Variants in C3orf62 observed in about 807,000 individuals in gnomAD.
C3orf62 encodes chromosome 3 open reading frame 62, also known as uncharacterized protein C3orf62.
C3orf62 carries 16 observed loss-of-function variants against 21.7 expected under a neutral mutation model. The observed-to-expected ratio is 0.74, with a 90% CI of 0.50 to 1.12. The LOEUF (loss-of-function observed/expected upper bound fraction) is 1.12, where lower values mean the gene tolerates loss of function less well. Among genes scored for constraint, C3orf62 ranks in the 50% most tolerant of loss-of-function variants. The probability of loss-of-function intolerance (pLI) is 0.00; values close to 1 mark genes in which losing one functional copy is unlikely to be tolerated. For synonymous variants in C3orf62, 114 were observed against 117.0 expected, an observed-to-expected ratio of 0.97 and a Z score of 0.17; for missense variants, 310 against 318.8, an observed-to-expected ratio of 0.97 and a Z score of 0.21.
Position 49,269,079 on chromosome 3 carries a change from C to CTT in C3orf62, c.*2099_*2100dup, listed in dbSNP as rs1480689188. 6.6e-6 allele frequency: 1 copy of CTT among 152,166 alleles called. No homozygotes were observed. The highest frequency in any genetic ancestry group is 1.5e-5 in the Non-Finnish European group (1 of 68,046). The allele number at this position is 152,166 out of a possible 1,614,324, so 9.4% of individuals were successfully genotyped here. A position where few individuals can be genotyped will look rare whatever the true frequency, so the allele number is the denominator to read the frequency against. On this transcript the variant is annotated 3_prime_UTR_variant, in exon 3 of 3. Coordinates refer to ENST00000343010, the MANE Select transcript of C3orf62 (RefSeq NM_198562.3). ...CACTGCACCCGGCCATCTCAACAGT[C>CTT]TTGAGTTCTGGCCAGGTATCTTGTA...
chr3:49,271,071 T>C lies in C3orf62; in HGVS notation c.*109A>G, dbSNP rs2046909178. The C allele has an allele frequency of 8.8e-7, 1 of 1,140,094 alleles. No homozygotes were observed. Among genetic ancestry groups the C allele is most frequent in the Non-Finnish European group, 1.2e-6 (1 of 802,138 alleles). The allele number at this position is 1,140,094 out of a possible 1,614,324, so 70.6% of individuals were successfully genotyped here. On this transcript the variant is annotated 3_prime_UTR_variant, in exon 3 of 3. Transcript: ENST00000343010. ...TTTAAAAAGGGTCTGGTAATTCAGGTTCTGCCAACCTTTTGAGAAATGTGG... is the reference window on the plus strand; with the variant it reads ...TTTAAAAAGGGTCTGGTAATTCAGGCTCTGCCAACCTTTTGAGAAATGTGG...
rs762681137 is a variant in C3orf62 at position 49,271,205 on chromosome 3, G to A, written c.779C>T (p.Thr260Met). The A allele has an allele frequency of 3.1e-6, 5 of 1,613,262 alleles. No homozygotes were observed. Among genetic ancestry groups the A allele is most frequent in the African/African-American group, 2.7e-5 (2 of 74,902 alleles). The change falls in exon 3 of 3, where the codon ACG (threonine) becomes ATG (methionine). Residue 260 changes from threonine (T) to methionine (M), a missense_variant. Thr to Met is a moderately conservative substitution (Grantham distance 81). Transcript: ENST00000343010. ...LDLEEDYNVMTSFKYQIE is the reference protein window; with the variant it reads ...LDLEEDYNVMMSFKYQIE Reference sequence around the variant, plus strand: ...TTACTCAATTTGGTATTTAAAAGACGTCATCACATTGTAGTCCTCTTCCAA... The same window carrying A: ...TTACTCAATTTGGTATTTAAAAGACATCATCACATTGTAGTCCTCTTCCAA...
rs1347151291 is a variant in C3orf62, at chr3:49,276,723, G to A, written c.150C>T (p.Ser50=). 1 of 1,614,202 alleles carries A rather than the reference G, an allele frequency of 6.2e-7. No individual in the cohort carries two copies. The highest frequency in any genetic ancestry group is 2.2e-5 in the East Asian group (1 of 44,882). ...GCAGCGAGAAGGAGAGCGGCGCGGCGCTCAGTTCCAGCCTCTGCTGGCCTG... is the reference window on the plus strand; with the variant it reads ...GCAGCGAGAAGGAGAGCGGCGCGGCACTCAGTTCCAGCCTCTGCTGGCCTG... The part of the protein sequence containing the change: ...ECTGQQRLEL[S]AAPLSFSLPV... Residue 50 remains serine, a synonymous_variant, in exon 1 of 3, where the codon AGC becomes AGT. Coordinates refer to ENST00000343010, the MANE Select transcript of C3orf62 (RefSeq NM_198562.3).
intron 1 of C3orf62, among the ~76,000 whole-genome samples, chr3:49,274,806 G>A (rs2046939867): frequency 6.7e-6 from 1 of 148,838 alleles, no homozygotes; most frequent in African/African-American, 2.5e-5. Flanking sequence ...GATTACAGGA[G>A]TGAACCACCG....
rs2046905266 is a variant in C3orf62, at chr3:49,270,206, C to T, written c.*974G>A. Reference sequence around the variant, plus strand: ...GATCTAACTCCTTGTTCCACTCCTTCCCCACTTCTTATACTATACTTCACT... The same window carrying T: ...GATCTAACTCCTTGTTCCACTCCTTTCCCACTTCTTATACTATACTTCACT... On this transcript the variant is annotated 3_prime_UTR_variant, in exon 3 of 3. Coordinates refer to ENST00000343010, the MANE Select transcript of C3orf62 (RefSeq NM_198562.3). The T allele has an allele frequency of 2.6e-5, 4 of 152,240 alleles. No individual in the cohort carries two copies. Among genetic ancestry groups the T allele is most frequent in the Non-Finnish European group, 4.4e-5 (3 of 68,058 alleles). The allele number at this position is 152,240 out of a possible 1,614,324, so 9.4% of individuals were successfully genotyped here. A position where few individuals can be genotyped will look rare whatever the true frequency, so the allele number is the denominator to read the frequency against.
rs779635550 is a variant in C3orf62 at position 49,276,874 on chromosome 3, G to A, written c.-2C>T. The A allele has an allele frequency of 1.6e-5, 26 of 1,608,582 alleles. No individual in the cohort carries two copies. Among genetic ancestry groups the A allele is most frequent in the Non-Finnish European group, 2.1e-5 (25 of 1,177,678 alleles). On this transcript the variant is annotated 5_prime_UTR_variant, in exon 1 of 3. Transcript: ENST00000343010. ...CGACCATGTCTTTATGTAATGCATT[G>A]GAAATGCACAGGACAACACAATAAT...
chr3:49,276,899 T>A lies in C3orf62; in HGVS notation c.-27A>T. 6.3e-7 allele frequency: 1 copy of A among 1,582,170 alleles called. No homozygotes were observed. Among genetic ancestry groups the A allele is most frequent in the South Asian group, 1.2e-5 (1 of 86,884 alleles). ...GGAAATGCACAGGACAACACAATAA[T>A]GTTACAAATGAGGCTGCAAACTACC... On this transcript the variant is annotated 5_prime_UTR_variant, in exon 1 of 3. Coordinates refer to ENST00000343010, the MANE Select transcript of C3orf62 (RefSeq NM_198562.3).
chr3:49,276,883 C>A lies in C3orf62; in HGVS notation c.-11G>T. The A allele has an allele frequency of 6.3e-7, 1 of 1,598,282 alleles. No individual in the cohort carries two copies. The highest frequency in any genetic ancestry group is 1.7e-5 in the Admixed American group (1 of 57,512). On this transcript the variant is annotated 5_prime_UTR_variant, in exon 1 of 3. Transcript: ENST00000343010. ...CTTTATGTAATGCATTGGAAATGCACAGGACAACACAATAATGTTACAAAT... is the reference window on the plus strand; with the variant it reads ...CTTTATGTAATGCATTGGAAATGCAAAGGACAACACAATAATGTTACAAAT...
At chr3:49,273,443 T>C (rs1490457699) in intron 2 of C3orf62, among the ~76,000 whole-genome samples, 1 of 151,754 alleles carries the variant, frequency 6.6e-6, no homozygotes, top group Admixed American at 6.6e-5. Flanking sequence ...AAAGTGGTGG[T>C]GGTGTTTTTT....
At chr3:49,271,900 G>T (rs1310252724) in intron 2 of C3orf62, among the ~76,000 whole-genome samples, 1 of 135,522 alleles carries the variant, frequency 7.4e-6, no homozygotes, top group African/African-American at 2.8e-5. Flanking sequence ...AACAGAGTGA[G>T]GCCCTGTCTC....
chr3:49,277,032 G>A lies in C3orf62; in HGVS notation c.-160C>T. ...GTTCTCGGCTCTCGCGGAGGAACCCGCCATCTGCCAGAAGCCCCAAAGACG... is the reference window on the plus strand; with the variant it reads ...GTTCTCGGCTCTCGCGGAGGAACCCACCATCTGCCAGAAGCCCCAAAGACG... On this transcript the variant is annotated 5_prime_UTR_variant, in exon 1 of 3. Coordinates refer to ENST00000343010, the MANE Select transcript of C3orf62 (RefSeq NM_198562.3). The A allele has an allele frequency of 5.5e-6, 8 of 1,461,394 alleles. No individual in the cohort carries two copies. Among genetic ancestry groups the A allele is most frequent in the African/African-American group, 1.4e-5 (1 of 71,106 alleles). The allele number at this position is 1,461,394 out of a possible 1,614,324, so 90.5% of individuals were successfully genotyped here. A position where few individuals can be genotyped will look rare whatever the true frequency, so the allele number is the denominator to read the frequency against.
chr3:49,271,040 CTG>C lies in C3orf62; in HGVS notation c.*138_*139del. 1.3e-6 allele frequency: 1 copy of C among 798,716 alleles called. No individual in the cohort carries two copies. Among genetic ancestry groups the C allele is most frequent in the Non-Finnish European group, 2.0e-6 (1 of 499,032 alleles). 49.5% of individuals were successfully genotyped at this position (798,716 alleles called of 1,614,324 possible). The stretch of plus-strand genomic sequence containing the variant: ...TCTCACAGCTTAAAAAGGGACACAA[CTG>C]GGATTTAAAAAGGGTCTGGTAATTC... On this transcript the variant is annotated 3_prime_UTR_variant, in exon 3 of 3. Transcript: ENST00000343010.
intron 1 of C3orf62, among the ~76,000 whole-genome samples, chr3:49,274,935 T>G (rs1040857936): frequency 1.3e-5 from 2 of 151,966 alleles, no homozygotes; most frequent in African/African-American, 4.8e-5. Flanking sequence ...TTCTCCTGTC[T>G]CAGCCTCTGG....
chr3:49,272,742 G>C lies in C3orf62; in HGVS notation c.539-1297C>G, dbSNP rs927794288. Among the ~76,000 whole-genome samples the C allele has an allele frequency of 2.6e-5, 4 of 151,518 alleles. No individual in the cohort carries two copies. The South Asian group carries it at 6.3e-4, about 24-fold the overall frequency. ...AATTTTTTGTGTTTTTAGTAGAGAA[G>C]GGGTTTTGCCATGTTGCCCAGGCTG... On this transcript the variant is annotated intron_variant, in intron 2 of 2. Transcript: ENST00000343010.
Position 49,274,157 on chromosome 3 carries a change from G to T in C3orf62, c.447-17C>A, listed in dbSNP as rs572210103. The T allele has an allele frequency of 3.8e-6, 6 of 1,591,188 alleles. No individual in the cohort carries two copies. Among genetic ancestry groups the T allele is most frequent in the South Asian group, 1.1e-5 (1 of 90,536 alleles). On this transcript the variant is annotated splice_polypyrimidine_tract_variant and intron_variant, in intron 1 of 2. Transcript: ENST00000343010. ...ATATCTTTCCTGCAGCCCCCAGGTGGGGGGGAAGAAAAGGTGGGGAATTAG... is the reference window on the plus strand; with the variant it reads ...ATATCTTTCCTGCAGCCCCCAGGTGTGGGGGAAGAAAAGGTGGGGAATTAG...
chr3:49,274,194 A>G, intron 1 of C3orf62, 54 bp from the exon 2 acceptor site: 1 of 1,362,448 alleles, frequency 7.3e-7, no homozygotes, highest in Non-Finnish European at 1.0e-6. Context: ...TTCTCTTTCA[A>G]GAAAATATTG....
At chr3:49,272,389 A>C (rs928170353) in intron 2 of C3orf62, among the ~76,000 whole-genome samples, 8 of 152,020 alleles carry the variant, frequency 5.3e-5, no homozygotes, top group African/African-American at 1.9e-4. Context: ...AATAGAGCAC[A>C]TGTAGTTCAC....
Position 49,271,360 on chromosome 3 carries a change from T to C in C3orf62, c.624A>G (p.Gln208=), listed in dbSNP as rs2046910663. Residue 208 remains glutamine (Q), a synonymous_variant, in exon 3 of 3, where the codon CAA becomes CAG. Transcript: ENST00000343010. The part of the protein sequence containing the change: ...NELNHMCGHC[Q]DSPFKEEAWA... ...AGGCTTCCTCTTTGAAGGGTGAATC[T>C]TGGCAATGACCACACATGTGGTTCA... 2.5e-6 allele frequency: 4 copies of C among 1,614,114 alleles called. No homozygotes were observed. The highest frequency in any genetic ancestry group is 8.5e-7 in the Non-Finnish European group (1 of 1,180,052).
rs1428509733 is a variant in C3orf62 at position 49,277,201 on chromosome 3, G to A, written c.-329C>T. ...TTGTCCTCACCCGCAGCGCAGTGAC[G>A]CCGACCCATCCAACGGTCATCGCAT... is the stretch of plus-strand genomic sequence containing the variant. On this transcript the variant is annotated 5_prime_UTR_variant, in exon 1 of 3. Transcript: ENST00000343010. 2.2e-6 allele frequency: 3 copies of A among 1,348,260 alleles called. No homozygotes were observed. The highest frequency in any genetic ancestry group is 1.5e-5 in the African/African-American group (1 of 68,178). The allele number at this position is 1,348,260 out of a possible 1,614,324, so 83.5% of individuals were successfully genotyped here.
Sources: allele counts gnomAD v4.1 joint callset (sites outside exome capture counted in the v4.1 genomes callset), GRCh38; gene constraint gnomAD v4.1.1; transcripts MANE v1.5; gene names NCBI Gene and HGNC (gene_info 2026-07-23, HGNC 2026-07-21).